PTGER3: variants seen among roughly 807,000 people sequenced by gnomAD.
PTGER3 encodes prostaglandin E2 receptor EP3 subtype.
A neutral mutation model predicts 34.7 loss-of-function variants in PTGER3; 22 were observed. That is an observed-to-expected ratio of 0.63 (90% CI 0.45 to 0.91). PTGER3 has a LOEUF of 0.91. Among genes scored for constraint, PTGER3 ranks in the 40% least tolerant of loss-of-function variants. The probability of loss-of-function intolerance (pLI) is 0.00; values close to 1 mark genes in which losing one functional copy is unlikely to be tolerated. For synonymous variants in PTGER3, 241 were observed against 230.1 expected (o/e 1.05, Z -0.43); for missense variants, 468 against 519.4 (o/e 0.90, Z 0.96).
At chr1:71,015,783 A>G (rs1474269678) in intron 1 of PTGER3, among the ~76,000 whole-genome samples, 1 of 152,210 alleles carries the variant, frequency 6.6e-6, no homozygotes, top group Non-Finnish European at 1.5e-5. Context: ...TAATACACGA[A>G]AATTCTTACA....
At chr1:70,952,877 C>T (rs759140365) in exon 4 of PTGER3, 2 of 1,559,744 alleles carry the variant, frequency 1.3e-6, no homozygotes, top group African/African-American at 1.4e-5. Context: ...TTTTTTAAAA[C>T]ACAGCACTCC....
At chr1:71,033,032 T>C (rs947773974) in intron 1 of PTGER3, among the ~76,000 whole-genome samples, 1 of 152,210 alleles carries the variant, frequency 6.6e-6, no homozygotes, top group African/African-American at 2.4e-5. Context: ...ACTGTTCTGA[T>C]TCATGTCTCA....
intron 4 of PTGER3, among the ~76,000 whole-genome samples, chr1:70,901,569 A>G (rs549241546): frequency 6.6e-6 from 1 of 152,328 alleles, no homozygotes; most frequent in East Asian, 1.9e-4. Context: ...TATGTGCCAG[A>G]TGCTGCACTG....
intron 4 of PTGER3, among the ~76,000 whole-genome samples, chr1:70,932,088 C>T (rs1165782864): frequency 3.3e-5 from 5 of 152,168 alleles, no homozygotes; most frequent in African/African-American, 9.7e-5. Flanking sequence ...TCATCTCTCT[C>T]AAGTTCAAAG....
At chr1:70,970,111 G>C (rs1308033082), downstream of PTGER3, among the ~76,000 whole-genome samples, 1 of 152,116 alleles carries the variant, frequency 6.6e-6, no homozygotes, top group Non-Finnish European at 1.5e-5. Context: ...ATCCCATTGT[G>C]CTGTAAGAAG....
chr1:70,875,721 A>G (rs940227854), intron 4 of PTGER3, among the ~76,000 whole-genome samples: 1 of 152,066 alleles, frequency 6.6e-6, no homozygotes, highest in Non-Finnish European at 1.5e-5. Context: ...AGGATGTGGC[A>G]TTTGGGTTTC....
At chr1:71,031,124 T>C (rs528738512) in intron 1 of PTGER3, among the ~76,000 whole-genome samples, 3 of 152,144 alleles carry the variant, frequency 2.0e-5, no homozygotes, top group Non-Finnish European at 4.4e-5. Context: ...TTGTCAAGTA[T>C]GTACCTGCAC....
At chr1:70,919,666 T>C (rs1340384801) in intron 4 of PTGER3, among the ~76,000 whole-genome samples, 1 of 152,068 alleles carries the variant, frequency 6.6e-6, no homozygotes, top group Non-Finnish European at 1.5e-5. Flanking sequence ...CGAAGAAAAA[T>C]CTCTTTTTCA....
chr1:70,938,790 T>C (rs1557669760), intron 4 of PTGER3, among the ~76,000 whole-genome samples: 1 of 152,146 alleles, frequency 6.6e-6, no homozygotes, highest in Non-Finnish European at 1.5e-5. Flanking sequence ...GATTCAATTA[T>C]CTCACATTAG....
chr1:70,933,775 C>T (rs1383951575), intron 4 of PTGER3, among the ~76,000 whole-genome samples: 1 of 152,112 alleles, frequency 6.6e-6, no homozygotes, highest in African/African-American at 2.4e-5. Flanking sequence ...CTTCCAATGC[C>T]TAGCTATCCT....
At chr1:71,016,785 A>G (rs1657942789) in intron 1 of PTGER3, among the ~76,000 whole-genome samples, 1 of 150,472 alleles carries the variant, frequency 6.6e-6, no homozygotes, top group Non-Finnish European at 1.5e-5. Context: ...CCTGGATGAC[A>G]GAGTGAGACT....
intron 4 of PTGER3, among the ~76,000 whole-genome samples, chr1:70,860,584 C>T (rs1187377584): frequency 6.6e-6 from 1 of 152,128 alleles, no homozygotes; most frequent in Non-Finnish European, 1.5e-5. Context: ...AGTTTGGTGA[C>T]ATTTTTGTGA....
chr1:71,026,996 A>T (rs1024377343), intron 1 of PTGER3, among the ~76,000 whole-genome samples: 3 of 152,120 alleles, frequency 2.0e-5, no homozygotes, highest in Admixed American at 1.3e-4. Context: ...TCCCAACACC[A>T]TTGACTCCCT....
chr1:71,011,284 A>G (rs1657421100), intron 2 of PTGER3: 1 of 985,046 alleles, frequency 1.0e-6, no homozygotes, highest in African/African-American at 1.7e-5. Flanking sequence ...TCTTATATAA[A>G]TAGGCCAAAA....
intron 2 of PTGER3, among the ~76,000 whole-genome samples, chr1:71,000,181 A>T (rs1656348117): frequency 6.6e-6 from 1 of 152,194 alleles, no homozygotes; most frequent in Non-Finnish European, 1.5e-5. Context: ...AGTAGTAATT[A>T]TTTGCTCATG....
chr1:71,002,174 G>T (rs1656554400), intron 2 of PTGER3: 1 of 152,004 alleles, frequency 6.6e-6, no homozygotes, highest in Non-Finnish European at 1.5e-5. Context: ...GAGGTGGGAG[G>T]ATCACTTAAG....
exon 4 of PTGER3, chr1:70,952,792 C>T: frequency 7.3e-7 from 1 of 1,365,158 alleles, no homozygotes; most frequent in Admixed American, 2.9e-5. Flanking sequence ...TCCCACCTTT[C>T]CGAGTCAATC....
intron 2 of PTGER3, among the ~76,000 whole-genome samples, chr1:70,994,890 T>C (rs1655797823): frequency 6.6e-6 from 1 of 152,186 alleles, no homozygotes; most frequent in Admixed American, 6.5e-5. Flanking sequence ...ATTCAAAGCC[T>C]TCACATTCTT....
At chr1:71,034,886 A>G (rs974190404) in intron 1 of PTGER3, among the ~76,000 whole-genome samples, 6 of 152,226 alleles carry the variant, frequency 3.9e-5, no homozygotes, top group African/African-American at 1.4e-4. Context: ...TACCTTGAAC[A>G]AATCACTCAA....
Sources: allele counts gnomAD v4.1 joint callset (sites outside exome capture counted in the v4.1 genomes callset), GRCh38; gene constraint gnomAD v4.1.1; transcripts MANE v1.5; gene names NCBI Gene and HGNC (gene_info 2026-07-23, HGNC 2026-07-21).